Variants in ADAM19 observed in about 807,000 individuals in gnomAD.
ADAM19 encodes disintegrin and metalloproteinase domain-containing protein 19.
A neutral mutation model predicts 114.7 loss-of-function variants in ADAM19; 65 were observed. The ratio of observed to expected loss-of-function variants is 0.57; its 90% CI spans 0.46 to 0.70. The LOEUF (loss-of-function observed/expected upper bound fraction) is 0.70, where lower values mean the gene tolerates loss of function less well. Ranked by LOEUF, ADAM19 falls within the 30% of genes least tolerant of loss-of-function variation. ADAM19 has a pLI of 0.00. For synonymous variants in ADAM19, 466 were observed against 460.5 expected, an observed-to-expected ratio of 1.01 and a Z score of -0.15; for missense variants, 1,063 against 1,204.7, an observed-to-expected ratio of 0.88 and a Z score of 1.74.
chr5:157,495,260 C>G (rs550628856), intron 14 of ADAM19, among the ~76,000 whole-genome samples: 152 of 152,256 alleles, frequency 1.0e-3, no homozygotes, highest in African/African-American at 3.6e-3. Context: ...CTCGGCCTCC[C>G]AAAGTGCTGG....
chr5:157,557,532 G>T (rs1383891403), intron 3 of ADAM19, among the ~76,000 whole-genome samples: 1 of 152,192 alleles, frequency 6.6e-6, no homozygotes, highest in African/African-American at 2.4e-5. Flanking sequence ...GATATCATGT[G>T]TCCAATATTT....
At chr5:157,494,873 A>G in intron 14 of ADAM19, 78 bp from the exon 15 acceptor site, 1 of 1,180,784 alleles carries the variant, frequency 8.5e-7, no homozygotes, top group Non-Finnish European at 1.2e-6. Context: ...TGGTAAAGTC[A>G]TGAAGGTAAG....
chr5:157,544,681 C>T (rs186476519), intron 3 of ADAM19, among the ~76,000 whole-genome samples: 65 of 152,242 alleles, frequency 4.3e-4, no homozygotes, highest in African/African-American at 1.5e-3. Context: ...TCCAGTGTCC[C>T]GAATAGCCCA....
At chr5:157,488,924 G>T (rs1561841570) in intron 20 of ADAM19, among the ~76,000 whole-genome samples, 178 bp downstream of exon 20, 1 of 152,194 alleles carries the variant, frequency 6.6e-6, no homozygotes, top group Non-Finnish European at 1.5e-5. Flanking sequence ...CAGCTAATTG[G>T]GAGGCTGAGG....
chr5:157,509,110 G>A (rs139315202), intron 9 of ADAM19, among the ~76,000 whole-genome samples, 191 bp downstream of exon 9: 1 of 152,350 alleles, frequency 6.6e-6, no homozygotes, highest in Non-Finnish European at 1.5e-5. Flanking sequence ...ATGTGACTCA[G>A]GCTTTTAAAC....
intron 15 of ADAM19, among the ~76,000 whole-genome samples, chr5:157,493,413 G>A (rs964979305): frequency 5.3e-5 from 8 of 152,224 alleles, no homozygotes; most frequent in South Asian, 2.1e-4. Context: ...AACTGGCCTC[G>A]AAAAGTCCTT....
chr5:157,553,915 T>C (rs1249467169), intron 3 of ADAM19, among the ~76,000 whole-genome samples: 2 of 152,192 alleles, frequency 1.3e-5, no homozygotes, highest in African/African-American at 4.8e-5. Context: ...AAAAACTCTA[T>C]AACTTGTTTA....
intron 11 of ADAM19, among the ~76,000 whole-genome samples, chr5:157,503,830 G>A (rs1373920050): frequency 6.6e-6 from 1 of 152,228 alleles, no homozygotes; most frequent in Non-Finnish European, 1.5e-5. Context: ...TAAGGATGCA[G>A]AGGGCATTCC....
chr5:157,507,847 T>G (rs1755795632), intron 9 of ADAM19, among the ~76,000 whole-genome samples: 1 of 152,154 alleles, frequency 6.6e-6, no homozygotes, highest in Non-Finnish European at 1.5e-5. Flanking sequence ...AAAAAAAAAC[T>G]ACCAGTGTTT....
chr5:157,480,227 G>C lies in ADAM19; in HGVS notation c.*722C>G, dbSNP rs1027260329. On this transcript the variant is annotated 3_prime_UTR_variant, in exon 23 of 23. Transcript: ENST00000257527. Reference sequence around the variant, plus strand: ...TAAAAATTATCCAGAGTCAGGAGTCGCAACCTTTGGCATCACGGCTCAGAG... The same window carrying C: ...TAAAAATTATCCAGAGTCAGGAGTCCCAACCTTTGGCATCACGGCTCAGAG... The C allele has an allele frequency of 9.1e-6, 9 of 985,896 alleles. No individual in the cohort carries two copies. The African/African-American group carries it at 1.4e-4, about 15-fold the overall frequency. The allele number at this position is 985,896 out of a possible 1,614,324, so 61.1% of individuals were successfully genotyped here.
Position 157,509,449 on chromosome 5 carries a change from T to C in ADAM19, c.757A>G (p.Ile253Val). ...TCCAAGCCCACGAGAGCAATCCGGA[T>C]GTTCAAGGATCGGTAAAACTGAAAG... ...YVDKFYRSLN[I>V]RIALVGLEVW... Residue 253 changes from isoleucine to valine, a missense_variant, in exon 9 of 23, where the codon ATC becomes GTC. This residue lies in a region of ADAM19 where 615 missense variants were observed against 706.3 expected (regional missense o/e 0.87). Transcript: ENST00000257527. 1.2e-6 allele frequency: 2 copies of C among 1,600,626 alleles called. No individual in the cohort carries two copies. The highest frequency in any genetic ancestry group is 1.7e-6 in the Non-Finnish European group (2 of 1,172,300).
intron 4 of ADAM19, among the ~76,000 whole-genome samples, chr5:157,531,785 G>C (rs143335606): frequency 6.6e-6 from 1 of 152,188 alleles, no homozygotes; most frequent in African/African-American, 2.4e-5. Flanking sequence ...CACAGAAAGA[G>C]AAGAAGGCCA....
At chr5:157,539,153 CAAAA>C (rs11336664) in intron 3 of ADAM19, among the ~76,000 whole-genome samples, 3 of 91,906 alleles carry the variant, frequency 3.3e-5, no homozygotes, top group Non-Finnish European at 4.6e-5. Context: ...GACTCTGTCT[CAAAA>C]AAAAAAAAAA....
intron 8 of ADAM19, among the ~76,000 whole-genome samples, chr5:157,513,154 A>T (rs1470043207): frequency 6.6e-6 from 1 of 152,240 alleles, no homozygotes; most frequent in African/African-American, 2.4e-5. Flanking sequence ...CCAGGAAAAT[A>T]AAAATAACAA....
chr5:157,538,453 G>T (rs1233051421), intron 3 of ADAM19, among the ~76,000 whole-genome samples: 1 of 152,210 alleles, frequency 6.6e-6, no homozygotes, highest in Non-Finnish European at 1.5e-5. Flanking sequence ...GTCAATCAAG[G>T]TGTCCTACTT....
At chr5:157,531,146 G>T (rs1031296515) in intron 4 of ADAM19, among the ~76,000 whole-genome samples, 8 of 152,116 alleles carry the variant, frequency 5.3e-5, no homozygotes, top group African/African-American at 1.9e-4. Context: ...ATTTGCCCAA[G>T]GTCTCCCTGC....
intron 4 of ADAM19, among the ~76,000 whole-genome samples, chr5:157,533,339 A>G (rs994517308): frequency 2.0e-5 from 3 of 152,192 alleles, no homozygotes; most frequent in Non-Finnish European, 2.9e-5. Context: ...AGCACAAAGG[A>G]AAGCCAGTGT....
chr5:157,565,935 C>T (rs1757647736), intron 2 of ADAM19: 1 of 151,748 alleles, frequency 6.6e-6, no homozygotes, highest in African/African-American at 2.4e-5. Context: ...ATGGTGAAAC[C>T]CCGTCTCTAC....
rs1756223821 is a variant in ADAM19, at chr5:157,519,847, G to T, written c.592C>A (p.Pro198Thr). ...AGAGCCTCAAAACTCACCCTGCGAG[G>T]TCGCTTCTTGGTCTGTTGTGTAAAC... Reference protein sequence around the residue: ...LQFTQQTKKRPRRMKREDLNS... With the variant: ...LQFTQQTKKRTRRMKREDLNS... The change falls in exon 6 of 23, where the codon CCT becomes ACT. Residue 198 changes from proline (P) to threonine (T), a missense_variant. By Grantham distance (38) the Pro-to-Thr change is conservative (BLOSUM62 -1). This residue lies in a region of ADAM19 where 615 missense variants were observed against 706.3 expected (regional missense o/e 0.87). Transcript: ENST00000257527. The T allele has an allele frequency of 6.2e-7, 1 of 1,610,386 alleles. No individual in the cohort carries two copies. Among genetic ancestry groups the T allele is most frequent in the Non-Finnish European group, 8.5e-7 (1 of 1,177,494 alleles).
Sources: gnomAD v4.1 joint callset for allele counts (sites outside exome capture counted in the v4.1 genomes callset) on GRCh38, gnomAD v4.1.1 for gene constraint, gnomAD v4.1.1 regional missense constraint, MANE v1.5 for transcripts, NCBI Gene and HGNC (gene_info 2026-07-23, HGNC 2026-07-21) for gene names.